Variants in CDH1 observed in about 807,000 individuals in gnomAD.
CDH1 encodes the protein cadherin 1, also known as cadherin-1.
CDH1 carries 35 observed loss-of-function variants against 84.5 expected under a neutral mutation model. That is an observed-to-expected ratio of 0.41 (90% CI 0.32 to 0.55). The LOEUF (loss-of-function observed/expected upper bound fraction) is 0.55, where lower values mean the gene tolerates loss of function less well. CDH1 is among the 20% of genes least tolerant of loss of function. CDH1 has a pLI of 0.19. For missense variants in CDH1, 994 were observed against 1,126.6 expected, an observed-to-expected ratio of 0.88 and a Z score of 1.68; for synonymous variants, 417 against 439.0, an observed-to-expected ratio of 0.95 and a Z score of 0.63.
At chr16:68,785,739 C>CT (rs34117943) in intron 2 of CDH1, among the ~76,000 whole-genome samples, 42,478 of 147,662 alleles carry the variant, frequency 0.29, 6,009 homozygotes, top group Middle Eastern at 0.34. Context: ...GCATAAAGAG[C>CT]TTTTTTTTTT....
intron 2 of CDH1, among the ~76,000 whole-genome samples, chr16:68,753,817 A>G (rs772148922): frequency 5.9e-5 from 9 of 151,668 alleles, no homozygotes; most frequent in Admixed American, 2.6e-4. Context: ...AGACATACTT[A>G]AAAAAAAATT....
chr16:68,764,510 A>T (rs761140504), intron 2 of CDH1, among the ~76,000 whole-genome samples: 11 of 152,222 alleles, frequency 7.2e-5, no homozygotes, highest in Admixed American at 6.5e-5. Context: ...TGGGAGGCAG[A>T]GGCTGCAGCG....
intron 2 of CDH1, among the ~76,000 whole-genome samples, chr16:68,772,656 T>A (rs1347331967): frequency 6.6e-6 from 1 of 152,080 alleles, no homozygotes; most frequent in African/African-American, 2.4e-5. Flanking sequence ...AGACTTAGGC[T>A]GGGCACGGTG....
At chr16:68,784,731 A>T (rs922516901) in intron 2 of CDH1, among the ~76,000 whole-genome samples, 2 of 151,630 alleles carry the variant, frequency 1.3e-5, no homozygotes, top group Non-Finnish European at 2.9e-5. Flanking sequence ...GCTCCCACTT[A>T]TGAGTGAGAA....
At chr16:68,821,342 G>C (rs1019126077) in intron 11 of CDH1, among the ~76,000 whole-genome samples, 1 of 152,034 alleles carries the variant, frequency 6.6e-6, no homozygotes, top group East Asian at 1.9e-4. Flanking sequence ...AAGCATGGTG[G>C]CATGCGCCTG....
At chr16:68,821,881 G>C in intron 11 of CDH1, 120 bp from the exon 12 acceptor site, 1 of 784,256 alleles carries the variant, frequency 1.3e-6, no homozygotes, top group Non-Finnish European at 2.2e-6. Context: ...TGCGGGTGGA[G>C]TGGGGCCTGG....
At chr16:68,795,989 C>T (rs1253679760) in intron 2 of CDH1, among the ~76,000 whole-genome samples, 1 of 151,630 alleles carries the variant, frequency 6.6e-6, no homozygotes, top group East Asian at 2.0e-4. Flanking sequence ...TAGTGAAACC[C>T]CGTCTCTACT....
chr16:68,792,316 G>A (rs996171994), intron 2 of CDH1, among the ~76,000 whole-genome samples: 8 of 148,398 alleles, frequency 5.4e-5, no homozygotes, highest in African/African-American at 1.5e-4. Context: ...TGCAACCTCC[G>A]CCTCCCAGGT....
intron 2 of CDH1, among the ~76,000 whole-genome samples, chr16:68,777,181 A>G (rs781688666): frequency 1.9e-4 from 29 of 152,202 alleles, no homozygotes; most frequent in African/African-American, 4.8e-5. Context: ...CTCAAGCCTC[A>G]TAGGCAGAAA....
intron 2 of CDH1, among the ~76,000 whole-genome samples, chr16:68,754,783 G>A (rs923143401): frequency 9.9e-5 from 15 of 152,174 alleles, no homozygotes; most frequent in African/African-American, 2.7e-4. Flanking sequence ...GGGATGCAGC[G>A]GGGCCCAAAC....
intron 15 of CDH1, among the ~76,000 whole-genome samples, chr16:68,831,719 A>G (rs1477309788): frequency 6.6e-6 from 1 of 150,830 alleles, no homozygotes; most frequent in East Asian, 2.0e-4. Context: ...TTCTATTTTT[A>G]GTACAGATGG....
chr16:68,833,596 C>T lies in CDH1; in HGVS notation c.*97C>T. Reference sequence around the variant, plus strand: ...AGCTCCCTTCCCTTGAGATGAGTTTCTGGGGAAAAAAAAGAGACTGGTTAG... The same window carrying T: ...AGCTCCCTTCCCTTGAGATGAGTTTTTGGGGAAAAAAAAGAGACTGGTTAG... On this transcript the variant is annotated 3_prime_UTR_variant, in exon 16 of 16. Coordinates refer to ENST00000261769, the MANE Select transcript of CDH1 (RefSeq NM_004360.5). 1 of 936,392 alleles carries T rather than the reference C, an allele frequency of 1.1e-6. No individual in the cohort carries two copies. The highest frequency in any genetic ancestry group is 1.7e-6 in the Non-Finnish European group (1 of 576,616). The allele number at this position is 936,392 out of a possible 1,614,324, so 58.0% of individuals were successfully genotyped here.
At chr16:68,754,615 A>G (rs201066116) in intron 2 of CDH1, among the ~76,000 whole-genome samples, 392 of 152,220 alleles carry the variant, frequency 2.6e-3, no homozygotes, top group Admixed American at 4.6e-3. Context: ...TGTGCTCTTT[A>G]TAGCAGGAAA....
At chr16:68,767,188 A>C (rs549200494) in intron 2 of CDH1, among the ~76,000 whole-genome samples, 2 of 150,924 alleles carry the variant, frequency 1.3e-5, no homozygotes, top group Admixed American at 6.6e-5. Flanking sequence ...TAGACCATTA[A>C]GTTTCTTTTT....
At chr16:68,773,200 CTAGA>C (rs1238844143) in intron 2 of CDH1, among the ~76,000 whole-genome samples, 2 of 151,774 alleles carry the variant, frequency 1.3e-5, no homozygotes, top group Non-Finnish European at 2.9e-5. Flanking sequence ...CGTGCTTCAG[CTAGA>C]TAGAGTCTTC....
intron 2 of CDH1, among the ~76,000 whole-genome samples, chr16:68,745,164 T>C (rs530003353): frequency 4.0e-5 from 6 of 151,486 alleles, no homozygotes; most frequent in Non-Finnish European, 7.4e-5. Context: ...CTTGAACTTG[T>C]CAGCTTCTGC....
intron 5 of CDH1, among the ~76,000 whole-genome samples, chr16:68,809,900 C>T (rs917534388): frequency 1.3e-5 from 2 of 152,142 alleles, no homozygotes; most frequent in African/African-American, 2.4e-5. Context: ...AAGTTTCACC[C>T]GGCATGGAAT....
chr16:68,757,967 CT>C (rs58385798), intron 2 of CDH1, among the ~76,000 whole-genome samples: 31,438 of 113,216 alleles, frequency 0.28, 3,523 homozygotes, highest in African/African-American at 0.32. Flanking sequence ...CCAGGCTAAT[CT>C]TTTTTTTTTT....
At chr16:68,795,959 C>T (rs1273550122) in intron 2 of CDH1, among the ~76,000 whole-genome samples, 4 of 151,604 alleles carry the variant, frequency 2.6e-5, no homozygotes, top group East Asian at 2.0e-4. Context: ...GTCAGGAGTT[C>T]GAGGTTATCC....
Sources: allele counts gnomAD v4.1 joint callset (sites outside exome capture counted in the v4.1 genomes callset), GRCh38; gene constraint gnomAD v4.1.1; transcripts MANE v1.5; gene names NCBI Gene and HGNC (gene_info 2026-07-23, HGNC 2026-07-21).